The following PLCB4 variants were observed in gnomAD, a reference collection of about 807,000 sequenced individuals.
PLCB4 encodes the protein phospholipase C beta 4, also known as 1-phosphatidylinositol 4,5-bisphosphate phosphodiesterase beta-4.
PLCB4 carries 77 observed loss-of-function variants against 178.8 expected under a neutral mutation model. That is an observed-to-expected ratio of 0.43 (90% confidence interval 0.36 to 0.52). The LOEUF (loss-of-function observed/expected upper bound fraction) is 0.52, where lower values mean the gene tolerates loss of function less well. Among genes scored for constraint, PLCB4 ranks in the 20% least tolerant of loss-of-function variants. The pLI is 0.00. For missense variants in PLCB4, 1,024 were observed against 1,453.4 expected, an observed-to-expected ratio of 0.70 and a Z score of 4.80; for synonymous variants, 496 against 490.8, an observed-to-expected ratio of 1.01 and a Z score of -0.14.
At chr20:9,240,589 A>G (rs1438680163) in intron 3 of PLCB4, among the ~76,000 whole-genome samples, 1 of 151,984 alleles carries the variant, frequency 6.6e-6, no homozygotes, top group Non-Finnish European at 1.5e-5. Context: ...TTTTCCTGCT[A>G]TTCCCTGCGC....
intron 28 of PLCB4, among the ~76,000 whole-genome samples, chr20:9,431,833 C>T (rs1023072987): frequency 6.6e-6 from 1 of 152,012 alleles, no homozygotes; most frequent in Non-Finnish European, 1.5e-5. Flanking sequence ...CTTAGTACTC[C>T]TTCCATTCAT....
chr20:9,349,544 G>A (rs368005073), intron 7 of PLCB4, among the ~76,000 whole-genome samples: 3 of 152,300 alleles, frequency 2.0e-5, no homozygotes, highest in East Asian at 3.9e-4. Context: ...CTTCACAGTT[G>A]TGTTTGAAAT....
At chr20:9,403,718 C>A (rs2148478363) in intron 20 of PLCB4, among the ~76,000 whole-genome samples, 1 of 152,336 alleles carries the variant, frequency 6.6e-6, no homozygotes, top group Non-Finnish European at 1.5e-5. Context: ...GGCTGAAACT[C>A]AGTGATTGGC....
chr20:9,476,486 G>A (rs528337050), intron 38 of PLCB4, among the ~76,000 whole-genome samples: 3 of 152,300 alleles, frequency 2.0e-5, no homozygotes, highest in Admixed American at 6.5e-5. Context: ...CAGAAGAGAG[G>A]CACAGTCTGG....
chr20:9,144,697 G>A (rs1296643571), intron 2 of PLCB4, among the ~76,000 whole-genome samples: 1 of 88,988 alleles, frequency 1.1e-5, no homozygotes, highest in Admixed American at 1.3e-4. Flanking sequence ...GGGAGGAGGG[G>A]AAGGAGGGGA....
chr20:9,236,461 C>T (rs993440777), intron 3 of PLCB4, among the ~76,000 whole-genome samples: 5 of 152,262 alleles, frequency 3.3e-5, no homozygotes, highest in South Asian at 2.1e-4. Context: ...TTTGCAAATA[C>T]GACTCTCTGG....
At chr20:9,276,198 T>A (rs2094449046) in intron 3 of PLCB4, among the ~76,000 whole-genome samples, 1 of 152,054 alleles carries the variant, frequency 6.6e-6, no homozygotes, top group Non-Finnish European at 1.5e-5. Flanking sequence ...CATGTTTTCG[T>A]TTATTCAGGA....
At chr20:9,070,698 C>A in intron 1 of PLCB4, among the ~76,000 whole-genome samples, 1 of 152,226 alleles carries the variant, frequency 6.6e-6, no homozygotes. Context: ...CTTTTATGAA[C>A]GTAAGACTTG....
At chr20:9,242,389 A>G (rs1325686342) in intron 3 of PLCB4, among the ~76,000 whole-genome samples, 1 of 152,218 alleles carries the variant, frequency 6.6e-6, no homozygotes, top group African/African-American at 2.4e-5. Context: ...CTCCTTCCTA[A>G]TAACAAGGGG....
intron 3 of PLCB4, among the ~76,000 whole-genome samples, chr20:9,306,836 A>G (rs530964851): frequency 6.6e-6 from 1 of 152,342 alleles, no homozygotes; most frequent in Admixed American, 6.5e-5. Context: ...CACTCTGAAC[A>G]GTGCCTAGCC....
At chr20:9,337,088 G>A in intron 4 of PLCB4, 38 bp from the exon 5 acceptor site, 2 of 1,296,692 alleles carry the variant, frequency 1.5e-6, no homozygotes, top group Non-Finnish European at 1.1e-6. Flanking sequence ...ATTCAAAATG[G>A]TGTGAGTCAT....
chr20:9,307,233 C>T (rs2094778569), intron 3 of PLCB4, among the ~76,000 whole-genome samples: 1 of 152,064 alleles, frequency 6.6e-6, no homozygotes, highest in South Asian at 2.1e-4. Flanking sequence ...CTCTTGTTCC[C>T]CACGTGGCCC....
At chr20:9,080,935 C>A (rs2090113367) in intron 1 of PLCB4, among the ~76,000 whole-genome samples, 2 of 152,170 alleles carry the variant, frequency 1.3e-5, no homozygotes, top group Non-Finnish European at 2.9e-5. Flanking sequence ...TGAGTCTACC[C>A]CATCAATATC....
chr20:9,393,483 T>C lies in PLCB4; in HGVS notation c.1324-105T>C, dbSNP rs375939588. ...GCTGTGCCGCCTGCCATCTAGTGGG[T>C]GTTGGGTTGCATCACTCCCAGGCCT... On this transcript the variant is annotated intron_variant, in intron 17 of 39. Transcript: ENST00000378473. 1.7e-5 allele frequency: 12 copies of C among 691,276 alleles called. No homozygotes were observed. In the African/African-American group the frequency reaches 2.1e-4, roughly 12 times the overall value. 42.8% of individuals were successfully genotyped at this position (691,276 alleles called of 1,614,324 possible).
At chr20:9,286,646 T>C (rs2094538937) in intron 3 of PLCB4, among the ~76,000 whole-genome samples, 1 of 152,034 alleles carries the variant, frequency 6.6e-6, no homozygotes, top group Non-Finnish European at 1.5e-5. Flanking sequence ...TAGGTTCAAA[T>C]ATAACCACAA....
chr20:9,164,399 A>G (rs2146997844), intron 2 of PLCB4, among the ~76,000 whole-genome samples: 1 of 152,292 alleles, frequency 6.6e-6, no homozygotes, highest in South Asian at 2.1e-4. Flanking sequence ...ACTGGGGCTC[A>G]GGGAAATTAA....
chr20:9,202,062 A>G (rs186141185), intron 2 of PLCB4, among the ~76,000 whole-genome samples: 1 of 152,340 alleles, frequency 6.6e-6, no homozygotes, highest in East Asian at 1.9e-4. Context: ...AAAAAGGAAC[A>G]AATTAGTGAT....
chr20:9,172,081 T>G (rs1040837897), intron 2 of PLCB4, among the ~76,000 whole-genome samples: 2 of 152,206 alleles, frequency 1.3e-5, no homozygotes, highest in African/African-American at 4.8e-5. Context: ...TGGCCATGTT[T>G]CAGTAATAAT....
chr20:9,352,209 T>C (rs1294991596), intron 7 of PLCB4, among the ~76,000 whole-genome samples: 1 of 152,228 alleles, frequency 6.6e-6, no homozygotes, highest in Non-Finnish European at 1.5e-5. Context: ...GTCTGTGGAC[T>C]TTCAGGCACT....
Sources: gnomAD v4.1 joint callset for allele counts (sites outside exome capture counted in the v4.1 genomes callset) on GRCh38, gnomAD v4.1.1 for gene constraint, MANE v1.5 for transcripts, NCBI Gene and HGNC (gene_info 2026-07-23, HGNC 2026-07-21) for gene names.